Variants in PTPRD observed in about 807,000 individuals in gnomAD.
The protein encoded by PTPRD is protein tyrosine phosphatase receptor type D, also known as receptor-type tyrosine-protein phosphatase delta.
In PTPRD, 34 loss-of-function variants were observed where a neutral mutation model predicts 214.5. The ratio of observed to expected loss-of-function variants is 0.16; its 90% confidence interval spans 0.12 to 0.21. The LOEUF (loss-of-function observed/expected upper bound fraction) is 0.21. PTPRD is among the 10% of genes least tolerant of loss of function. PTPRD has a pLI of 1.00. For synonymous variants in PTPRD, 1,128 were observed against 845.7 expected (o/e 1.33, Z -5.79); for missense variants, 2,545 against 2,398.7 (o/e 1.06, Z -1.27).
intron 9 of PTPRD, among the ~76,000 whole-genome samples, chr9:9,384,841 CT>C (rs2063408058): frequency 2.0e-5 from 3 of 151,916 alleles, no homozygotes; most frequent in Admixed American, 2.0e-4. Context: ...AGAAAACACC[CT>C]TATGGAATGA....
intron 9 of PTPRD, among the ~76,000 whole-genome samples, chr9:9,308,322 G>A (rs995241563): frequency 2.0e-5 from 3 of 152,158 alleles, no homozygotes; most frequent in Non-Finnish European, 4.4e-5. Context: ...ACACGTGTTT[G>A]TATACTTACA....
chr9:9,366,818 G>A (rs2058015719), intron 9 of PTPRD, among the ~76,000 whole-genome samples: 1 of 151,160 alleles, frequency 6.6e-6, no homozygotes, highest in Non-Finnish European at 1.5e-5. Context: ...TAATAAAAAT[G>A]AATAGAGCTA....
chr9:8,453,420 T>C (rs1180444875), intron 33 of PTPRD, among the ~76,000 whole-genome samples: 1 of 152,188 alleles, frequency 6.6e-6, no homozygotes, highest in Non-Finnish European at 1.5e-5. Context: ...CGCCTCAGCC[T>C]CCCAGAGTGC....
chr9:10,477,835 A>G (rs1589071652), intron 2 of PTPRD, among the ~76,000 whole-genome samples: 1 of 152,162 alleles, frequency 6.6e-6, no homozygotes, highest in Non-Finnish European at 1.5e-5. Context: ...TTGCAGTAAC[A>G]TGGATGAAGC....
chr9:10,601,477 T>TA (rs2077959830), intron 2 of PTPRD, among the ~76,000 whole-genome samples: 1 of 151,784 alleles, frequency 6.6e-6, no homozygotes, highest in Admixed American at 6.6e-5. Flanking sequence ...TAACTGGACT[T>TA]ACTACATCTG....
Position 8,616,365 on chromosome 9 carries a change from C to T in PTPRD, c.352+16952G>A, listed in dbSNP as rs1486328264. Among the ~76,000 whole-genome samples, 3 of 152,066 alleles carry T rather than the reference C, an allele frequency of 2.0e-5. No homozygotes were observed. In the East Asian group the frequency reaches 5.8e-4, roughly 29 times the overall value. Reference sequence around the variant, plus strand: ...TTTAAAATTTCATCTAGTACATGGTCTTCATAACTTCATTTTGCACTAAAT... The same window carrying T: ...TTTAAAATTTCATCTAGTACATGGTTTTCATAACTTCATTTTGCACTAAAT... On this transcript the variant is annotated intron_variant, in intron 14 of 45. Transcript: ENST00000381196.
intron 3 of PTPRD, among the ~76,000 whole-genome samples, chr9:10,073,905 T>A (rs2098083490): frequency 6.6e-6 from 1 of 152,176 alleles, no homozygotes; most frequent in Non-Finnish European, 1.5e-5. Context: ...ATTAATAGTT[T>A]ATAAATTGTA....
chr9:9,619,599 T>G (rs929937456), intron 7 of PTPRD, among the ~76,000 whole-genome samples: 1 of 145,946 alleles, frequency 6.9e-6, no homozygotes, highest in Non-Finnish European at 1.5e-5. Flanking sequence ...GTTAGAGAGA[T>G]AATATACAAA....
chr9:9,452,498 A>G (rs1025027245), intron 8 of PTPRD, among the ~76,000 whole-genome samples: 10 of 151,374 alleles, frequency 6.6e-5, no homozygotes, highest in African/African-American at 2.4e-4. Context: ...TCAAAAATGA[A>G]TATGATAAGA....
At chr9:10,508,082 A>T (rs201281928) in intron 2 of PTPRD, among the ~76,000 whole-genome samples, 1 of 152,206 alleles carries the variant, frequency 6.6e-6, no homozygotes, top group Non-Finnish European at 1.5e-5. Context: ...CAATCTACAA[A>T]GAACTCAAAC....
At chr9:9,963,126 A>G (rs1177047485) in intron 4 of PTPRD, among the ~76,000 whole-genome samples, 2 of 152,170 alleles carry the variant, frequency 1.3e-5, no homozygotes, top group Non-Finnish European at 2.9e-5. Context: ...AAAGTAAATC[A>G]GGTGGATTTA....
At chr9:8,878,396 G>A (rs1298464851) in intron 11 of PTPRD, among the ~76,000 whole-genome samples, 1 of 152,156 alleles carries the variant, frequency 6.6e-6, no homozygotes, top group Admixed American at 6.5e-5. Context: ...CTAAGGTGGG[G>A]GATGGTGGGG....
At chr9:8,788,628 G>C (rs527744973) in intron 11 of PTPRD, among the ~76,000 whole-genome samples, 1 of 152,168 alleles carries the variant, frequency 6.6e-6, no homozygotes, top group East Asian at 1.9e-4. Context: ...ATCAGCAAAG[G>C]AAAAGTTATG....
At chr9:10,074,028 C>A (rs1391878679) in intron 3 of PTPRD, among the ~76,000 whole-genome samples, 1 of 152,060 alleles carries the variant, frequency 6.6e-6, no homozygotes, top group East Asian at 1.9e-4. Flanking sequence ...TGCTTATAAT[C>A]ACCAAATAAA....
At chr9:9,413,660 G>A (rs959693895) in intron 8 of PTPRD, among the ~76,000 whole-genome samples, 7 of 152,114 alleles carry the variant, frequency 4.6e-5, no homozygotes, top group African/African-American at 1.7e-4. Flanking sequence ...AACATTGGTG[G>A]CAATCTTGGT....
At chr9:9,854,505 T>C (rs1033462563) in intron 5 of PTPRD, among the ~76,000 whole-genome samples, 1 of 148,218 alleles carries the variant, frequency 6.7e-6, no homozygotes, top group African/African-American at 2.4e-5. Context: ...AAAAGATATC[T>C]AATTTTTTTC....
intron 3 of PTPRD, among the ~76,000 whole-genome samples, chr9:10,202,332 G>A (rs1594051430): frequency 2.0e-5 from 3 of 151,832 alleles, no homozygotes; most frequent in Non-Finnish European, 4.4e-5. Context: ...TCAAACAGAG[G>A]CTACTGACCT....
At chr9:10,569,531 C>CTG (rs35865716) in intron 2 of PTPRD, among the ~76,000 whole-genome samples, 4,185 of 149,356 alleles carry the variant, frequency 0.028, 113 homozygotes, top group East Asian at 0.091. Flanking sequence ...CTCTCTCTCT[C>CTG]TGTGTGTATA....
At chr9:8,737,271 G>A (rs2090683304) in intron 11 of PTPRD, among the ~76,000 whole-genome samples, 1 of 152,172 alleles carries the variant, frequency 6.6e-6, no homozygotes, top group Admixed American at 6.5e-5. Context: ...GTGCCCAAAG[G>A]AGGTCAGAGG....
Sources: gnomAD v4.1 joint callset for allele counts (sites outside exome capture counted in the v4.1 genomes callset) on GRCh38, gnomAD v4.1.1 for gene constraint, MANE v1.5 for transcripts, NCBI Gene and HGNC (gene_info 2026-07-23, HGNC 2026-07-21) for gene names.